SHTN1: variants seen among roughly 807,000 people sequenced by gnomAD.
The protein encoded by SHTN1 is shootin 1.
A neutral mutation model predicts 83.1 loss-of-function variants in SHTN1; 42 were observed. The observed-to-expected ratio is 0.51, with a 90% CI of 0.39 to 0.65. The LOEUF is 0.65. SHTN1 is among the 30% of genes least tolerant of loss of function. The pLI is 0.00. For missense variants in SHTN1, 622 were observed against 737.8 expected, an observed-to-expected ratio of 0.84 and a Z score of 1.82; for synonymous variants, 224 against 247.7, an observed-to-expected ratio of 0.90 and a Z score of 0.90.
chr10:116,996,417 A>C (rs1299399692), intron 1 of SHTN1, among the ~76,000 whole-genome samples: 1 of 152,206 alleles, frequency 6.6e-6, no homozygotes, highest in African/African-American at 2.4e-5. Context: ...AAAGCTGGAC[A>C]ACTTGATACA....
At chr10:117,122,580 C>T (rs899480987) in intron 1 of SHTN1, among the ~76,000 whole-genome samples, 3 of 152,228 alleles carry the variant, frequency 2.0e-5, no homozygotes, top group African/African-American at 7.2e-5. Flanking sequence ...AGCAAAACCA[C>T]AATGAGGCAT....
rs569022076 is a variant in SHTN1, at chr10:117,108,823, G to T, written c.-189+17484C>A. Among the ~76,000 whole-genome samples, 11 of 152,266 alleles carry T rather than the reference G, an allele frequency of 7.2e-5. 1 individual carries two copies. The South Asian group carries it at 2.3e-3, about 32-fold the overall frequency. On this transcript the variant is annotated intron_variant, in intron 1 of 17. Transcript: ENST00000392901. ...ACTGATGGAGTGAGGAAAACAGAGA[G>T]GTGAAAAAAGTTTAGGCCTTTTATA...
chr10:117,078,686 G>A (rs2133609074), intron 1 of SHTN1, among the ~76,000 whole-genome samples: 1 of 152,264 alleles, frequency 6.6e-6, no homozygotes. Context: ...GCTTTAGGCA[G>A]GAGGAAAATC....
chr10:116,976,132 G>A (rs1850798202), intron 2 of SHTN1, among the ~76,000 whole-genome samples: 1 of 152,166 alleles, frequency 6.6e-6, no homozygotes, highest in South Asian at 2.1e-4. Context: ...CTCAAGCCCT[G>A]GGGTACTGTT....
intron 2 of SHTN1, among the ~76,000 whole-genome samples, chr10:117,037,933 A>C (rs1299402890): frequency 7.5e-6 from 1 of 132,786 alleles, no homozygotes; most frequent in Non-Finnish European, 1.6e-5. Context: ...TTGAACTGGG[A>C]GGCAGAACTT....
Position 116,939,867 on chromosome 10 carries a change from C to CTTCTCCTCTCCCACA in SHTN1, c.858+598_858+599insTGTGGGAGAGGAGAA, listed in dbSNP as rs567749402. 8.9e-4 allele frequency among the ~76,000 whole-genome samples: 136 copies of CTTCTCCTCTCCCACA among 152,264 alleles called. 2 individuals carry two copies. In the South Asian group the frequency reaches 0.022, roughly 25 times the overall value. On this transcript the variant is annotated intron_variant, in intron 9 of 16. Transcript: ENST00000355371. ...TGGAAGTCTTTGTTCCACTTCTTTG[C>CTTCTCCTCTCCCACA]TTCTCCTCTCACCTACCACAATGAC...
intron 1 of SHTN1, among the ~76,000 whole-genome samples, chr10:117,125,218 C>G (rs1056758909): frequency 4.6e-5 from 7 of 152,182 alleles, no homozygotes; most frequent in Admixed American, 3.3e-4. Flanking sequence ...TCAAATAATT[C>G]AACTTAGCAC....
chr10:117,116,537 G>A (rs901895004), intron 1 of SHTN1, among the ~76,000 whole-genome samples: 2 of 151,848 alleles, frequency 1.3e-5, no homozygotes, highest in African/African-American at 2.4e-5. Context: ...TAAAGAGGAG[G>A]GAATATTTCC....
chr10:117,021,139 A>G (rs2133564371), intron 2 of SHTN1, among the ~76,000 whole-genome samples: 1 of 152,224 alleles, frequency 6.6e-6, no homozygotes, highest in African/African-American at 2.4e-5. Context: ...TTGGGAGGCC[A>G]AGGTGGGCGG....
intron 1 of SHTN1, among the ~76,000 whole-genome samples, chr10:117,051,358 C>T (rs1023156005): frequency 1.3e-5 from 2 of 152,116 alleles, no homozygotes; most frequent in Non-Finnish European, 2.9e-5. Flanking sequence ...TAACACTAAT[C>T]TTTTTCAAAT....
intron 1 of SHTN1, among the ~76,000 whole-genome samples, chr10:117,050,408 A>C (rs1354239197): frequency 1.3e-5 from 2 of 152,148 alleles, no homozygotes; most frequent in Non-Finnish European, 2.9e-5. Context: ...GAGATGAATG[A>C]AAATAAAATA....
upstream of SHTN1, chr10:117,005,310 A>G: frequency 7.2e-7 from 1 of 1,387,720 alleles, no homozygotes; most frequent in African/African-American, 1.5e-5. Flanking sequence ...CGGGCCCAGC[A>G]GTCCCGTTCA....
rs143855798 is a variant in SHTN1 at position 116,915,015 on chromosome 10, G to A, written c.1305+360C>T. Among the ~76,000 whole-genome samples the A allele has an allele frequency of 1.6e-3, 238 of 152,176 alleles. 5 individuals carry two copies. Among genetic ancestry groups the A allele is most frequent in the Admixed American group, 0.014 (220 of 15,290 alleles). On this transcript the variant is annotated intron_variant, in intron 13 of 16. Coordinates refer to ENST00000355371, the MANE Select transcript of SHTN1 (RefSeq NM_001127211.3). ...TATTTTGTTCAGTACTTTATCCCTC[G>A]TGCCTAAAACAGCATCTGGCACATA...
intron 2 of SHTN1, among the ~76,000 whole-genome samples, chr10:116,978,068 C>T (rs1850873351): frequency 6.6e-6 from 1 of 152,016 alleles, no homozygotes; most frequent in Non-Finnish European, 1.5e-5. Flanking sequence ...TCACAGAACA[C>T]CAAGGATTTA....
Position 117,002,186 on chromosome 10 carries a change from C to T in SHTN1, c.58+2836G>A, listed in dbSNP as rs139604867. Among the ~76,000 whole-genome samples the T allele has an allele frequency of 1.8e-4, 27 of 152,246 alleles. No individual in the cohort carries two copies. In the East Asian group the frequency reaches 5.0e-3, roughly 28 times the overall value. ...AAGTAAATGTCCGTGCCCTCTAATC[C>T]AACAATTCCATTTCTTCTAAGAATC... On this transcript the variant is annotated intron_variant, in intron 1 of 16. Coordinates refer to ENST00000355371, the MANE Select transcript of SHTN1 (RefSeq NM_001127211.3).
At chr10:116,966,908 A>C (rs74159018) in intron 3 of SHTN1, among the ~76,000 whole-genome samples, 1 of 152,176 alleles carries the variant, frequency 6.6e-6, no homozygotes, top group Non-Finnish European at 1.5e-5. Context: ...ATACATTTGC[A>C]AATAAGAGGT....
intron 1 of SHTN1, among the ~76,000 whole-genome samples, chr10:117,088,544 A>C (rs1338596269): frequency 1.3e-5 from 2 of 152,202 alleles, no homozygotes; most frequent in Non-Finnish European, 2.9e-5. Flanking sequence ...AGGGAAGAAG[A>C]AGCTGAGTCA....
chr10:117,126,344 G>T, exon 1 of SHTN1: 1 of 165,340 alleles, frequency 6.0e-6, no homozygotes, highest in Non-Finnish European at 1.3e-5. Flanking sequence ...GTCGACGGAA[G>T]CTGTGGGAGA....
rs1011505557 is a variant in SHTN1, at chr10:116,885,608, C to G, written c.*736G>C. On this transcript the variant is annotated 3_prime_UTR_variant, in exon 17 of 17. Transcript: ENST00000355371. ...TTGGGAAAACATAATTAACTCATAGCACAGAGCACATGGTTTACCAACTTA... is the reference window on the plus strand; with the variant it reads ...TTGGGAAAACATAATTAACTCATAGGACAGAGCACATGGTTTACCAACTTA... 1.3e-5 allele frequency: 2 copies of G among 152,520 alleles called. No homozygotes were observed. The highest frequency in any genetic ancestry group is 4.8e-5 in the African/African-American group (2 of 41,432). The allele number at this position is 152,520 out of a possible 1,614,324, so 9.4% of individuals were successfully genotyped here. A position where few individuals can be genotyped will look rare whatever the true frequency, so the allele number is the denominator to read the frequency against.
Sources: gnomAD v4.1 joint callset for allele counts (sites outside exome capture counted in the v4.1 genomes callset) on GRCh38, gnomAD v4.1.1 for gene constraint, MANE v1.5 for transcripts, NCBI Gene and HGNC (gene_info 2026-07-23, HGNC 2026-07-21) for gene names.